The following GLYAT variants were observed in gnomAD, a reference collection of about 807,000 sequenced individuals.
GLYAT encodes glycine-N-acyltransferase.
In GLYAT, 25 loss-of-function variants were observed where a neutral mutation model predicts 22.8. The ratio of observed to expected loss-of-function variants is 1.09; its 90% CI spans 0.80 to 1.53. The LOEUF is 1.53. Among genes scored for constraint, GLYAT ranks in the 40% most tolerant of loss-of-function variants. GLYAT has a pLI of 0.00. For synonymous variants in GLYAT, 140 were observed against 122.7 expected (o/e 1.14, Z -0.93); for missense variants, 411 against 353.9 (o/e 1.16, Z -1.29).
In GLYAT at chr11:58,709,717, A is replaced by G. The variant is rs117770453; in HGVS notation, c.*49T>C. On this transcript the variant is annotated 3_prime_UTR_variant, in exon 6 of 6. Coordinates refer to ENST00000344743, the MANE Select transcript of GLYAT (RefSeq NM_201648.3). ...CTTTTCATCCACCATCCACTCCTCA[A>G]ATTATACGCCCAGACCTGCCCAACA... The G allele has an allele frequency of 1.2e-4, 186 of 1,542,438 alleles. 1 individual carries two copies. The East Asian group carries it at 3.6e-3, about 30-fold the overall frequency.
In GLYAT at chr11:58,716,798, T is replaced by C. The variant is rs2134485255; in HGVS notation, c.82-1375A>G. Among the ~76,000 whole-genome samples the C allele has an allele frequency of 1.3e-5, 2 of 152,266 alleles. 1 individual carries two copies. Among genetic ancestry groups the C allele is most frequent in the South Asian group, 4.1e-4 (2 of 4,832 alleles). On this transcript the variant is annotated intron_variant, in intron 2 of 5. Transcript: ENST00000344743. The stretch of plus-strand genomic sequence containing the variant: ...CCCGTGAAACAGCCTTGGGAAGTCC[T>C]GACGACACATGCCCAAGGTGGCTGG...
chr11:58,719,689 G>A (rs1391915422), intron 2 of GLYAT, among the ~76,000 whole-genome samples: 1 of 151,884 alleles, frequency 6.6e-6, no homozygotes, highest in Non-Finnish European at 1.5e-5. Flanking sequence ...TTTAATTGCT[G>A]TCAGTGTTTA....
At chr11:58,719,683 AT>A in intron 2 of GLYAT, among the ~76,000 whole-genome samples, 2 of 152,080 alleles carry the variant, frequency 1.3e-5, no homozygotes, top group East Asian at 3.9e-4. Flanking sequence ...TGAGGCTTTA[AT>A]TGCTGTCAGT....
intron 1 of GLYAT, among the ~76,000 whole-genome samples, chr11:58,731,359 CA>C (rs1447503825): frequency 6.6e-6 from 1 of 152,110 alleles, no homozygotes; most frequent in Non-Finnish European, 1.5e-5. Context: ...GTCGAGAGCA[CA>C]AACTTCTAAG....
intron 1 of GLYAT, among the ~76,000 whole-genome samples, chr11:58,725,558 T>C (rs1242915136): frequency 6.6e-6 from 1 of 152,166 alleles, no homozygotes; most frequent in Non-Finnish European, 1.5e-5. Context: ...GGTGCATCTG[T>C]ACAGGTCTGT....
rs781531943 is a variant in GLYAT at position 58,712,835 on chromosome 11, T to C, written c.241A>G (p.Lys81Glu). The C allele has an allele frequency of 7.6e-5, 122 of 1,609,002 alleles. No individual in the cohort carries two copies. Among genetic ancestry groups the C allele is most frequent in the Non-Finnish European group, 9.4e-5 (110 of 1,175,588 alleles). The change falls in exon 4 of 6, where the codon AAA becomes GAA. Residue 81 changes from lysine to glutamate, a missense_variant. Physicochemically the swap from Lys to Glu is moderately conservative, Grantham distance 56. Transcript: ENST00000344743. The stretch of plus-strand genomic sequence containing the variant: ...AATTCCTGACAGTTTTGGGGATCTT[T>C]GGAGTAGATTTGGTAAGTATTGGTA... ...HYTNTYQIYS[K>E]DPQNCQEFLG... is the part of the protein sequence containing the mutation.
intron 2 of GLYAT, among the ~76,000 whole-genome samples, chr11:58,716,451 C>T (rs540267486): frequency 1.3e-5 from 2 of 152,118 alleles, no homozygotes; most frequent in Admixed American, 1.3e-4. Flanking sequence ...TCTAAATCGA[C>T]TAAGTCTGAG....
intron 3 of GLYAT, 86 bp from the exon 4 acceptor site, chr11:58,712,972 T>A: frequency 1.2e-6 from 1 of 828,678 alleles, no homozygotes; most frequent in Non-Finnish European, 1.8e-6. Flanking sequence ...TTCTAAGTAA[T>A]AAAATATTGG....
chr11:58,730,305 A>G lies in GLYAT; in HGVS notation c.-16+1530T>C, dbSNP rs549668515. Reference sequence around the variant, plus strand: ...GCCTGGTCAACACAGCAAGACCCCAATCTCTACAAAAATAAAAATTAGTTG... The same window carrying G: ...GCCTGGTCAACACAGCAAGACCCCAGTCTCTACAAAAATAAAAATTAGTTG... On this transcript the variant is annotated intron_variant, in intron 1 of 5. Coordinates refer to ENST00000344743, the MANE Select transcript of GLYAT (RefSeq NM_201648.3). 5.9e-5 allele frequency among the ~76,000 whole-genome samples: 9 copies of G among 152,228 alleles called. No homozygotes were observed. The South Asian group carries it at 1.7e-3, about 28-fold the overall frequency.
At chr11:58,723,350 C>CA (rs1405321086) in intron 2 of GLYAT, among the ~76,000 whole-genome samples, 3 of 152,010 alleles carry the variant, frequency 2.0e-5, no homozygotes, top group Non-Finnish European at 4.4e-5. Context: ...GTAGGAGCTT[C>CA]AAGGTGGGTA....
intron 4 of GLYAT, among the ~76,000 whole-genome samples, chr11:58,711,542 G>C (rs938697108): frequency 6.6e-6 from 1 of 152,166 alleles, no homozygotes; most frequent in Non-Finnish European, 1.5e-5. Flanking sequence ...AACATGCTTA[G>C]GGATGGATTC....
At chr11:58,723,741 T>C (rs1273226311) in intron 2 of GLYAT, among the ~76,000 whole-genome samples, 1 of 151,956 alleles carries the variant, frequency 6.6e-6, no homozygotes, top group African/African-American at 2.4e-5. Context: ...GACTCTATCA[T>C]TGGAACTGCT....
intron 3 of GLYAT, among the ~76,000 whole-genome samples, chr11:58,714,429 G>A (rs1856653862): frequency 6.6e-6 from 1 of 152,126 alleles, no homozygotes; most frequent in Non-Finnish European, 1.5e-5. Flanking sequence ...ATCTTGAAAT[G>A]TGTTAATTGT....
intron 1 of GLYAT, among the ~76,000 whole-genome samples, chr11:58,731,129 CAAT>C (rs1444660435): frequency 6.6e-5 from 10 of 152,110 alleles, no homozygotes; most frequent in African/African-American, 2.2e-4. Context: ...TTTAAATAAA[CAAT>C]AAATCTTGTC....
In GLYAT at chr11:58,712,834, T is replaced by C; in HGVS notation, c.242A>G (p.Lys81Arg). 6.2e-7 allele frequency: 1 copy of C among 1,608,878 alleles called. No individual in the cohort carries two copies. The highest frequency in any genetic ancestry group is 1.1e-5 in the South Asian group (1 of 91,004). Residue 81 changes from lysine (K) to arginine (R), a missense_variant, in exon 4 of 6, where the codon AAA becomes AGA. Transcript: ENST00000344743. ...GAATTCCTGACAGTTTTGGGGATCT[T>C]TGGAGTAGATTTGGTAAGTATTGGT... Reference protein sequence around the residue: ...HYTNTYQIYSKDPQNCQEFLG... With the variant: ...HYTNTYQIYSRDPQNCQEFLG...
intron 4 of GLYAT, among the ~76,000 whole-genome samples, chr11:58,712,456 A>G (rs1461453338): frequency 6.6e-6 from 1 of 152,190 alleles, no homozygotes; most frequent in Non-Finnish European, 1.5e-5. Flanking sequence ...CAGGAATAGA[A>G]GTCCAGAGGG....
chr11:58,717,605 C>A (rs1366945710), intron 2 of GLYAT, among the ~76,000 whole-genome samples: 1 of 150,766 alleles, frequency 6.6e-6, no homozygotes, highest in Admixed American at 6.6e-5. Flanking sequence ...GACTTGTAGC[C>A]AAGAAAAATA....
intron 1 of GLYAT, 76 bp from the exon 2 acceptor site, chr11:58,724,587 T>G: frequency 1.6e-6 from 1 of 644,260 alleles, no homozygotes; most frequent in African/African-American, 3.0e-5. Context: ...GCAAGTTCTT[T>G]ATTAATGACC....
rs372894887 is a variant in GLYAT, at chr11:58,722,969, GA to G, written c.81+1446del. On this transcript the variant is annotated intron_variant, in intron 2 of 5. Coordinates refer to ENST00000344743, the MANE Select transcript of GLYAT (RefSeq NM_201648.3). ...TGTCTTTTAGTATACAACAAAAGAGGAGGAATGCTATTTCCTCATGAAAGGG... is the reference window on the plus strand; with the variant it reads ...TGTCTTTTAGTATACAACAAAAGAGGGGAATGCTATTTCCTCATGAAAGGG... Among the ~76,000 whole-genome samples, 226 of 152,094 alleles carry G rather than the reference GA, an allele frequency of 1.5e-3. 1 individual carries two copies. Among genetic ancestry groups the G allele is most frequent in the African/African-American group, 5.2e-3 (217 of 41,538 alleles).
Sources: allele counts gnomAD v4.1 joint callset (sites outside exome capture counted in the v4.1 genomes callset), GRCh38; gene constraint gnomAD v4.1.1; transcripts MANE v1.5; gene names NCBI Gene and HGNC (gene_info 2026-07-23, HGNC 2026-07-21).